The following OVCH1 variants were observed in gnomAD, a reference collection of about 807,000 sequenced individuals.
The protein encoded by OVCH1 is ovochymase 1, also known as ovochymase-1.
A neutral mutation model predicts 138.4 loss-of-function variants in OVCH1; 139 were observed. The observed-to-expected ratio is 1.00, with a 90% confidence interval of 0.87 to 1.16. The LOEUF is 1.16. OVCH1 is among the 50% of genes most tolerant of loss of function. OVCH1 has a pLI of 0.00. For synonymous variants in OVCH1, 453 were observed against 467.8 expected (o/e 0.97, Z 0.41); for missense variants, 1,367 against 1,357.9 (o/e 1.01, Z -0.11).
At chr12:29,487,207 C>T (rs912429688) in intron 7 of OVCH1, 9 of 195,036 alleles carry the variant, frequency 4.6e-5, no homozygotes, top group Non-Finnish European at 4.3e-5. Flanking sequence ...ATTCTGCAGA[C>T]GACAGGTTTG....
intron 3 of OVCH1, among the ~76,000 whole-genome samples, chr12:29,417,149 T>C (rs1941040133): frequency 6.6e-6 from 1 of 152,018 alleles, no homozygotes; most frequent in Non-Finnish European, 1.5e-5. Flanking sequence ...GAGAATAGAT[T>C]AGTGGTTGCC....
chr12:29,417,836 T>A (rs949046813), intron 3 of OVCH1, among the ~76,000 whole-genome samples: 1 of 151,962 alleles, frequency 6.6e-6, no homozygotes, highest in Non-Finnish European at 1.5e-5. Flanking sequence ...GATTACACTG[T>A]ACAGCCAAGA....
chr12:29,404,501 A>T, the OVCH1 span, among the ~76,000 whole-genome samples: 1 of 151,972 alleles, frequency 6.6e-6, no homozygotes, highest in Non-Finnish European at 1.5e-5. Flanking sequence ...GGGCTGATGC[A>T]ACAGATCTCT....
downstream of OVCH1, among the ~76,000 whole-genome samples, chr12:29,411,312 C>T (rs1940952381): frequency 6.6e-6 from 1 of 150,722 alleles, no homozygotes; most frequent in South Asian, 2.1e-4. Context: ...TCGTCAAAGT[C>T]ATTCTCCATC....
At chr12:29,492,282 G>A (rs1034867192) in intron 4 of OVCH1, among the ~76,000 whole-genome samples, 1 of 151,582 alleles carries the variant, frequency 6.6e-6, no homozygotes, top group Non-Finnish European at 1.5e-5. Context: ...TATGTTTAGG[G>A]GACAGTGGGA....
the OVCH1 span, among the ~76,000 whole-genome samples, chr12:29,405,744 A>C: frequency 6.6e-6 from 1 of 152,242 alleles, no homozygotes; most frequent in African/African-American, 2.4e-5. Context: ...GAACCAAATC[A>C]GTTTTTGATG....
At chr12:29,413,788 T>G (rs1026735327) in intron 3 of OVCH1, among the ~76,000 whole-genome samples, 8 of 152,322 alleles carry the variant, frequency 5.3e-5, no homozygotes, top group African/African-American at 1.9e-4. Flanking sequence ...ATTTCAATGA[T>G]TTGTTCTTTT....
At chr12:29,448,949 C>T (rs1472989226) in intron 22 of OVCH1, among the ~76,000 whole-genome samples, 1 of 152,044 alleles carries the variant, frequency 6.6e-6, no homozygotes, top group Non-Finnish European at 1.5e-5. Context: ...TCAATCACCT[C>T]CCACATCCCT....
intron 26 of OVCH1, among the ~76,000 whole-genome samples, chr12:29,436,739 A>C (rs1461319305): frequency 1.3e-5 from 2 of 150,528 alleles, no homozygotes; most frequent in African/African-American, 5.0e-5. Context: ...AAAGTGGCGC[A>C]TCCAGAGTTG....
At chr12:29,418,458 T>A (rs1592023055) in intron 3 of OVCH1, among the ~76,000 whole-genome samples, 1 of 152,240 alleles carries the variant, frequency 6.6e-6, no homozygotes, top group East Asian at 1.9e-4. Context: ...TACAGATACT[T>A]CAACTTTTAG....
At chr12:29,487,961 C>T (rs1286033228) in intron 6 of OVCH1, 79 bp from the exon 7 acceptor site, 1 of 1,360,510 alleles carries the variant, frequency 7.4e-7, no homozygotes, top group Non-Finnish European at 9.9e-7. Context: ...AACATCAGCA[C>T]TCATCACAAA....
chr12:29,441,624 A>G (rs1182738336), intron 25 of OVCH1, among the ~76,000 whole-genome samples: 2 of 152,202 alleles, frequency 1.3e-5, no homozygotes, highest in African/African-American at 4.8e-5. Flanking sequence ...GACAAATGGG[A>G]TCTAATTAAA....
At chr12:29,427,499 A>G, downstream of OVCH1, 2 of 1,538,218 alleles carry the variant, frequency 1.3e-6, no homozygotes, top group Non-Finnish European at 8.8e-7. Context: ...TGAGGACGTG[A>G]AACTTGAGAC....
downstream of OVCH1, among the ~76,000 whole-genome samples, chr12:29,412,077 A>G (rs1270418187): frequency 2.0e-5 from 3 of 152,086 alleles, no homozygotes; most frequent in Admixed American, 1.3e-4. Flanking sequence ...GCTAGCAATC[A>G]GCGAGACTCC....
intron 4 of OVCH1, among the ~76,000 whole-genome samples, chr12:29,494,826 G>A (rs1168916227): frequency 6.6e-6 from 1 of 152,144 alleles, no homozygotes; most frequent in Admixed American, 6.5e-5. Flanking sequence ...TAGGGAGGAG[G>A]GGAGGATGAA....
chr12:29,486,152 T>C, intron 8 of OVCH1, 98 bp downstream of exon 8: 1 of 1,200,066 alleles, frequency 8.3e-7, no homozygotes, highest in Middle Eastern at 2.0e-4. Flanking sequence ...AAAATTTAAA[T>C]AAAACTCAGA....
intron 25 of OVCH1, chr12:29,439,530 C>G: frequency 7.5e-7 from 1 of 1,339,468 alleles, no homozygotes; most frequent in African/African-American, 1.5e-5. Flanking sequence ...AAGGAAAAAT[C>G]TCTATCTCTA....
At chr12:29,460,224 GTTCTT>G (rs1942083937) in intron 19 of OVCH1, among the ~76,000 whole-genome samples, 1 of 152,120 alleles carries the variant, frequency 6.6e-6, no homozygotes, top group South Asian at 2.1e-4. Flanking sequence ...ACCCTCTCTA[GTTCTT>G]TTCTTTCCGC....
At chr12:29,465,340 G>C (rs10771537) in intron 16 of OVCH1, 121 bp from the exon 17 acceptor site, 356,650 of 791,940 alleles carry the variant, frequency 0.45, 83,189 homozygotes, top group East Asian at 0.58. Flanking sequence ...GAGGAAAAGA[G>C]GTTTATGAAG....
Sources: gnomAD v4.1 joint callset for allele counts (sites outside exome capture counted in the v4.1 genomes callset) on GRCh38, gnomAD v4.1.1 for gene constraint, MANE v1.5 for transcripts, NCBI Gene and HGNC (gene_info 2026-07-23, HGNC 2026-07-21) for gene names.